The following AXDND1 variants were observed in gnomAD, a reference collection of about 807,000 sequenced individuals.
AXDND1 encodes the protein axonemal dynein light chain domain containing 1.
AXDND1 carries 110 observed loss-of-function variants against 137.5 expected under a neutral mutation model. The ratio of observed to expected loss-of-function variants is 0.80; its 90% CI spans 0.69 to 0.94. AXDND1 has a LOEUF of 0.94. AXDND1 is among the 40% of genes least tolerant of loss of function. The probability of loss-of-function intolerance (pLI) is 0.00; values close to 1 mark genes in which losing one functional copy is unlikely to be tolerated. For synonymous variants in AXDND1, 414 were observed against 399.7 expected (o/e 1.04, Z -0.43); for missense variants, 1,191 against 1,169.8 (o/e 1.02, Z -0.26).
At chr1:179,420,304 G>A (rs6698526) in intron 12 of AXDND1, among the ~76,000 whole-genome samples, 53,008 of 151,956 alleles carry the variant, frequency 0.35, 9,421 homozygotes, top group Middle Eastern at 0.44. Flanking sequence ...ACTTGATCAT[G>A]GTGAATGATC....
At position 179,500,337 on chromosome 1, in the gene AXDND1, A is replaced by ATGTGTGTGTGTG. The variant is rs57654195; in HGVS notation, c.2388+7420_2388+7431dup. Among the ~76,000 whole-genome samples the ATGTGTGTGTGTG allele has an allele frequency of 1.7e-3, 231 of 133,872 alleles. 1 individual carries two copies. The highest frequency in any genetic ancestry group is 3.8e-3 in the African/African-American group (137 of 35,880). 87.8% of individuals were successfully genotyped at this position (133,872 alleles called of 152,430 possible). ...ATAGCCATTAATTGCAGGGTACATT[A>ATGTGTGTGTGTG]TGTGTGTGTGTGTGTGTGTGTGTGT... On this transcript the variant is annotated intron_variant, in intron 20 of 25. Transcript: ENST00000367618.
At chr1:179,535,126 G>A (rs927217764) in intron 25 of AXDND1, 164 bp downstream of exon 25, 78 of 1,044,016 alleles carry the variant, frequency 7.5e-5, no homozygotes, top group Non-Finnish European at 1.0e-4. Flanking sequence ...CATCTTATTC[G>A]GACAACTCAC....
chr1:179,471,544 T>C (rs1474345984), intron 17 of AXDND1, among the ~76,000 whole-genome samples: 1 of 152,254 alleles, frequency 6.6e-6, no homozygotes, highest in Non-Finnish European at 1.5e-5. Context: ...AGAAGATCAG[T>C]GCTAGCATCC....
intron 17 of AXDND1, among the ~76,000 whole-genome samples, chr1:179,482,045 G>C (rs978294375): frequency 8.6e-5 from 13 of 151,386 alleles, no homozygotes; most frequent in Admixed American, 1.3e-4. Context: ...AACATCTTCA[G>C]GCTACGTTGC....
intron 25 of AXDND1, among the ~76,000 whole-genome samples, chr1:179,542,842 C>T (rs760194745): frequency 6.6e-6 from 1 of 152,154 alleles, no homozygotes; most frequent in South Asian, 2.1e-4. Context: ...GCCACCCTTC[C>T]CCCTCCTTCC....
At chr1:179,551,510 C>A (rs1572256659) in intron 25 of AXDND1, 1 of 1,599,408 alleles carries the variant, frequency 6.3e-7, no homozygotes, top group East Asian at 2.2e-5. Context: ...GGCTTCACCA[C>A]TATGCAGTAT....
At chr1:179,417,810 G>A (rs1424358957) in intron 12 of AXDND1, among the ~76,000 whole-genome samples, 11 of 151,772 alleles carry the variant, frequency 7.2e-5, no homozygotes, top group Admixed American at 3.9e-4. Context: ...GGGTAGTATT[G>A]CCATTTAACA....
chr1:179,526,967 C>A (rs1670586184), intron 22 of AXDND1, among the ~76,000 whole-genome samples: 1 of 152,168 alleles, frequency 6.6e-6, no homozygotes, highest in Non-Finnish European at 1.5e-5. Context: ...GGTACTGTTA[C>A]AGGAAAGGTG....
intron 10 of AXDND1, among the ~76,000 whole-genome samples, chr1:179,394,256 G>T (rs924359417): frequency 9.9e-5 from 15 of 152,096 alleles, no homozygotes; most frequent in Non-Finnish European, 1.6e-4. Context: ...TGAAGACTCT[G>T]TATATATTTG....
intron 12 of AXDND1, among the ~76,000 whole-genome samples, chr1:179,428,905 G>A (rs900928408): frequency 4.6e-5 from 7 of 152,022 alleles, no homozygotes; most frequent in East Asian, 1.9e-4. Context: ...TCTGCCGGGC[G>A]TGGTGGCTCA....
chr1:179,540,849 C>T (rs1672065424), intron 25 of AXDND1, among the ~76,000 whole-genome samples: 1 of 152,224 alleles, frequency 6.6e-6, no homozygotes, highest in Non-Finnish European at 1.5e-5. Flanking sequence ...AAGTCCCTGA[C>T]TTGGGCTGCT....
At chr1:179,545,590 G>C (rs1329664828) in intron 25 of AXDND1, 1 of 152,166 alleles carries the variant, frequency 6.6e-6, no homozygotes, top group East Asian at 1.9e-4. Flanking sequence ...CCTTATCTTT[G>C]CTCCTTCCCA....
At chr1:179,477,042 A>C (rs1271782202) in intron 17 of AXDND1, among the ~76,000 whole-genome samples, 6 of 150,618 alleles carry the variant, frequency 4.0e-5, no homozygotes, top group Non-Finnish European at 1.5e-5. Flanking sequence ...TTTCCTCTTT[A>C]TTTTTTGGCT....
chr1:179,534,617 C>G, intron 24 of AXDND1, 113 bp from the exon 25 acceptor site: 1 of 1,323,318 alleles, frequency 7.6e-7, no homozygotes, highest in South Asian at 1.8e-5. Context: ...TCCCTTATTT[C>G]TACCCTTCAG....
chr1:179,526,989 A>G (rs1670588870), intron 22 of AXDND1, among the ~76,000 whole-genome samples: 1 of 152,240 alleles, frequency 6.6e-6, no homozygotes, highest in African/African-American at 2.4e-5. Flanking sequence ...CATGATTCAG[A>G]GCCCAGGAGA....
intron 15 of AXDND1, among the ~76,000 whole-genome samples, chr1:179,439,852 C>G (rs573239292): frequency 2.1e-5 from 3 of 145,062 alleles, no homozygotes; most frequent in African/African-American, 7.6e-5. Flanking sequence ...CATTCCATGG[C>G]CACACGCACC....
intron 12 of AXDND1, among the ~76,000 whole-genome samples, chr1:179,425,632 A>G (rs1273827762): frequency 6.6e-6 from 1 of 152,088 alleles, no homozygotes; most frequent in Non-Finnish European, 1.5e-5. Context: ...CTTGTTGTCC[A>G]TCTTGATCTC....
intron 15 of AXDND1, among the ~76,000 whole-genome samples, chr1:179,435,165 A>G (rs1657965727): frequency 6.6e-6 from 1 of 152,196 alleles, no homozygotes; most frequent in Non-Finnish European, 1.5e-5. Context: ...AAGGAGAACT[A>G]CAAAACACTG....
Position 179,378,750 on chromosome 1 carries a change from C to T in AXDND1, c.488C>T (p.Pro163Leu), listed in dbSNP as rs201696051. ...SLQSHDGVIV[P>L]HKPKTLTDTL... ...CAGTCACATGATGGTGTCATTGTGC[C>T]CCATAAGGTAAATAAAGTATTTGAC... The change falls in exon 5 of 26, where the codon CCC (proline) becomes CTC (leucine). Residue 163 changes from proline (P) to leucine (L), a missense_variant. Physicochemically the swap from Pro to Leu is moderately conservative, Grantham distance 98 (BLOSUM62 -3). Coordinates refer to ENST00000367618, the MANE Select transcript of AXDND1 (RefSeq NM_144696.6). The T allele has an allele frequency of 6.5e-7, 1 of 1,544,758 alleles. No individual in the cohort carries two copies.
Sources: gnomAD v4.1 joint callset for allele counts (sites outside exome capture counted in the v4.1 genomes callset) on GRCh38, gnomAD v4.1.1 for gene constraint, MANE v1.5 for transcripts, NCBI Gene and HGNC (gene_info 2026-07-23, HGNC 2026-07-21) for gene names.